ASIC2: variants seen among roughly 807,000 people sequenced by gnomAD.
The protein encoded by ASIC2 is acid-sensing ion channel 2.
Under a neutral mutation model 57.3 loss-of-function variants are expected in ASIC2, and 25 were observed. The ratio of observed to expected loss-of-function variants is 0.44; its 90% CI spans 0.32 to 0.61. ASIC2 has a LOEUF of 0.61. ASIC2 is among the 20% of genes least tolerant of loss of function. ASIC2 has a pLI of 0.06. For missense variants in ASIC2, 641 were observed against 738.1 expected, an observed-to-expected ratio of 0.87 and a Z score of 1.52; for synonymous variants, 319 against 307.5, an observed-to-expected ratio of 1.04 and a Z score of -0.39.
intron 1 of ASIC2, among the ~76,000 whole-genome samples, chr17:34,028,514 C>T (rs1394177212): frequency 6.6e-6 from 1 of 152,200 alleles, no homozygotes; most frequent in Admixed American, 6.5e-5. Context: ...GTCAACCTTG[C>T]TTCATACACA....
intron 1 of ASIC2, among the ~76,000 whole-genome samples, chr17:33,213,572 T>TC (rs1327041612): frequency 6.6e-6 from 1 of 152,200 alleles, no homozygotes; most frequent in African/African-American, 2.4e-5. Context: ...GATAGCTTAG[T>TC]CCCTAGTTCA....
chr17:33,719,461 G>C (rs1425631056), intron 1 of ASIC2, among the ~76,000 whole-genome samples: 1 of 152,226 alleles, frequency 6.6e-6, no homozygotes, highest in African/African-American at 2.4e-5. Flanking sequence ...ATTAGAAGGA[G>C]TGCACCTTCT....
intron 3 of ASIC2, among the ~76,000 whole-genome samples, chr17:33,064,467 C>T (rs1016938650): frequency 2.0e-5 from 3 of 152,182 alleles, no homozygotes; most frequent in Non-Finnish European, 4.4e-5. Context: ...TACCTGTTTG[C>T]CTGGGTTTGT....
intron 1 of ASIC2, among the ~76,000 whole-genome samples, chr17:33,577,136 G>A (rs1916649816): frequency 6.6e-6 from 1 of 152,072 alleles, no homozygotes; most frequent in South Asian, 2.1e-4. Context: ...AGACAATGTT[G>A]AAGACAGTTA....
chr17:33,437,372 G>A (rs1309812327), intron 1 of ASIC2, among the ~76,000 whole-genome samples: 1 of 152,108 alleles, frequency 6.6e-6, no homozygotes, highest in East Asian at 1.9e-4. Flanking sequence ...AAAACACAAA[G>A]AACTGTTTAC....
At chr17:33,856,988 G>A (rs1313651864) in intron 1 of ASIC2, among the ~76,000 whole-genome samples, 1 of 152,090 alleles carries the variant, frequency 6.6e-6, no homozygotes, top group Non-Finnish European at 1.5e-5. Context: ...GGCACCCAAG[G>A]GGACCCCACC....
intron 1 of ASIC2, among the ~76,000 whole-genome samples, chr17:33,316,888 T>C (rs2142211164): frequency 6.6e-6 from 1 of 152,328 alleles, no homozygotes; most frequent in African/African-American, 2.4e-5. Flanking sequence ...TCATTTTGTG[T>C]GCACTTAATT....
chr17:33,963,003 G>A (rs1050598603), intron 1 of ASIC2, among the ~76,000 whole-genome samples: 4 of 152,084 alleles, frequency 2.6e-5, no homozygotes, highest in Non-Finnish European at 5.9e-5. Context: ...GTTGTTCACT[G>A]AATGTGTGCA....
At chr17:33,376,294 T>C (rs118078102) in intron 1 of ASIC2, among the ~76,000 whole-genome samples, 17 of 152,142 alleles carry the variant, frequency 1.1e-4, no homozygotes, top group Middle Eastern at 3.4e-3. Context: ...AATGAGCTAA[T>C]GGGGTGCTCC....
At chr17:33,751,750 T>TA (rs1910439679) in intron 1 of ASIC2, among the ~76,000 whole-genome samples, 1 of 152,082 alleles carries the variant, frequency 6.6e-6, no homozygotes, top group Non-Finnish European at 1.5e-5. Context: ...TAGAATGACT[T>TA]AGAGTCCAAT....
chr17:33,714,077 A>T (rs1253485173), intron 1 of ASIC2, among the ~76,000 whole-genome samples: 3 of 152,066 alleles, frequency 2.0e-5, no homozygotes, highest in African/African-American at 4.8e-5. Flanking sequence ...AGTAAATAAA[A>T]ATTTCTGGAT....
intron 1 of ASIC2, among the ~76,000 whole-genome samples, chr17:33,215,862 G>A (rs948817897): frequency 1.3e-5 from 2 of 152,132 alleles, no homozygotes; most frequent in Non-Finnish European, 2.9e-5. Context: ...ACCTCGCCTG[G>A]CTAATTTTTT....
intron 1 of ASIC2, among the ~76,000 whole-genome samples, chr17:33,265,576 G>A (rs568914195): frequency 7.6e-4 from 116 of 152,242 alleles, no homozygotes; most frequent in African/African-American, 2.5e-3. Context: ...CCTAGGTGAC[G>A]GGTTGATAGG....
chr17:33,533,588 G>A (rs751333404), intron 1 of ASIC2: 26 of 152,076 alleles, frequency 1.7e-4, no homozygotes, highest in Non-Finnish European at 3.7e-4. Flanking sequence ...CAGATTTCTG[G>A]CATTTAGTTA....
At chr17:33,749,479 TG>T (rs1910365633) in intron 1 of ASIC2, among the ~76,000 whole-genome samples, 1 of 152,036 alleles carries the variant, frequency 6.6e-6, no homozygotes, top group Non-Finnish European at 1.5e-5. Flanking sequence ...CCTGTGGGCC[TG>T]GGGGTCTCTC....
intron 1 of ASIC2, among the ~76,000 whole-genome samples, chr17:34,130,926 A>C (rs1355828362): frequency 6.6e-6 from 1 of 152,252 alleles, no homozygotes; most frequent in Non-Finnish European, 1.5e-5. Context: ...TGGACAGAGA[A>C]CAAGTATTTA....
chr17:33,090,319 G>A (rs2092152462), intron 2 of ASIC2, among the ~76,000 whole-genome samples: 1 of 152,196 alleles, frequency 6.6e-6, no homozygotes, highest in Non-Finnish European at 1.5e-5. Flanking sequence ...ATCGTGATGA[G>A]GCTTTAACTG....
At chr17:33,311,963 A>C (rs1016857649) in intron 1 of ASIC2, among the ~76,000 whole-genome samples, 4 of 152,196 alleles carry the variant, frequency 2.6e-5, no homozygotes. Flanking sequence ...ATACTAAAGC[A>C]GTCTTTTCAA....
intron 1 of ASIC2, among the ~76,000 whole-genome samples, chr17:33,974,579 G>C (rs1905315771): frequency 6.6e-6 from 1 of 150,730 alleles, no homozygotes; most frequent in Admixed American, 6.7e-5. Flanking sequence ...CCTGAATTGA[G>C]TGCTGTTAGG....
Sources: allele counts gnomAD v4.1 joint callset (sites outside exome capture counted in the v4.1 genomes callset), GRCh38; gene constraint gnomAD v4.1.1; transcripts MANE v1.5; gene names NCBI Gene and HGNC (gene_info 2026-07-23, HGNC 2026-07-21).